Variants in ADAM32 observed in about 807,000 individuals in gnomAD.
The protein encoded by ADAM32 is ADAM metallopeptidase domain 32.
Under a neutral mutation model 114.9 loss-of-function variants are expected in ADAM32, and 89 were observed. That is an observed-to-expected ratio of 0.77 (90% CI 0.65 to 0.92). The LOEUF is 0.92. Ranked by LOEUF, ADAM32 falls within the 40% of genes least tolerant of loss-of-function variation. ADAM32 has a pLI of 0.00. For missense variants in ADAM32, 870 were observed against 932.8 expected (o/e 0.93, Z 0.88); for synonymous variants, 285 against 307.5 (o/e 0.93, Z 0.77).
rs1292799916 is a variant in ADAM32 at position 39,110,251 on chromosome 8, A to G, written c.58+2418A>G. Among the ~76,000 whole-genome samples the G allele has an allele frequency of 7.2e-5, 11 of 152,172 alleles. No homozygotes were observed. The East Asian group carries it at 1.9e-3, about 27-fold the overall frequency. ...GCCCAGCTAATTTTTTTGTATTTTT[A>G]GTAGAGATGGGGTTTCACTGTGTTG... is the stretch of plus-strand genomic sequence containing the variant. On this transcript the variant is annotated intron_variant, in intron 1 of 24. Transcript: ENST00000379907.
intron 14 of ADAM32, among the ~76,000 whole-genome samples, chr8:39,225,023 C>T (rs947610183): frequency 3.9e-5 from 6 of 152,142 alleles, no homozygotes; most frequent in Non-Finnish European, 5.9e-5. Flanking sequence ...AGGACAGAGG[C>T]GTCTTTTATC....
At position 39,233,925 on chromosome 8, in the gene ADAM32, G is replaced by C; in HGVS notation, c.1661G>C (p.Cys554Ser). Residue 554 changes from cysteine (C) to serine (S), a missense_variant, in exon 16 of 25, where the codon TGT becomes TCT. Transcript: ENST00000379907. ...AATCTTATATGTGGAAGATTAGTTTGTACCTACCCTACTCGAAAGCCTTTC... is the reference window on the plus strand; with the variant it reads ...AATCTTATATGTGGAAGATTAGTTTCTACCTACCCTACTCGAAAGCCTTTC... Reference protein sequence around the residue: ...WRNLICGRLVCTYPTRKPFHQ... With the variant: ...WRNLICGRLVSTYPTRKPFHQ... The C allele has an allele frequency of 6.3e-7, 1 of 1,580,220 alleles. No individual in the cohort carries two copies. The highest frequency in any genetic ancestry group is 8.6e-7 in the Non-Finnish European group (1 of 1,162,582).
intron 19 of ADAM32, among the ~76,000 whole-genome samples, chr8:39,260,601 C>T (rs971505094): frequency 6.6e-6 from 1 of 151,980 alleles, no homozygotes; most frequent in Non-Finnish European, 1.5e-5. Context: ...AATATAAATC[C>T]CACTTGATCA....
At chr8:39,169,704 T>C (rs1364939025) in intron 9 of ADAM32, 3 of 396,734 alleles carry the variant, frequency 7.6e-6, no homozygotes, top group Non-Finnish European at 1.3e-5. Flanking sequence ...TTAGATATGT[T>C]TCAGATATCA....
chr8:39,116,044 T>G (rs1405224307), intron 1 of ADAM32, among the ~76,000 whole-genome samples: 2 of 152,226 alleles, frequency 1.3e-5, no homozygotes, highest in Non-Finnish European at 2.9e-5. Flanking sequence ...CAGATGGTTA[T>G]AGGTGTGTGG....
At chr8:39,212,924 A>C (rs1808323005) in intron 12 of ADAM32, among the ~76,000 whole-genome samples, 1 of 152,146 alleles carries the variant, frequency 6.6e-6, no homozygotes, top group Non-Finnish European at 1.5e-5. Context: ...TCCACTTCTT[A>C]AATTTTAGCT....
chr8:39,145,337 A>G (rs1312886468), intron 3 of ADAM32, among the ~76,000 whole-genome samples: 1 of 152,200 alleles, frequency 6.6e-6, no homozygotes, highest in Non-Finnish European at 1.5e-5. Flanking sequence ...TAGCCAAGGC[A>G]CTACTGAACA....
At chr8:39,185,180 A>C (rs1296928131) in intron 10 of ADAM32, among the ~76,000 whole-genome samples, 2 of 151,648 alleles carry the variant, frequency 1.3e-5, no homozygotes, top group African/African-American at 4.8e-5. Context: ...CAGGAGAATC[A>C]CTTGAACCCA....
At chr8:39,137,655 C>T (rs1802884132) in intron 3 of ADAM32, among the ~76,000 whole-genome samples, 4 of 151,688 alleles carry the variant, frequency 2.6e-5, no homozygotes, top group Admixed American at 2.6e-4. Flanking sequence ...CCTGTAATCC[C>T]AGCTACTCGG....
At chr8:39,185,649 T>C (rs186547531) in intron 10 of ADAM32, among the ~76,000 whole-genome samples, 107 of 152,346 alleles carry the variant, frequency 7.0e-4, no homozygotes, top group Non-Finnish European at 1.4e-3. Context: ...CTGCTTTTAC[T>C]TGGCACATTA....
At chr8:39,223,342 T>A in intron 14 of ADAM32, 104 bp downstream of exon 14, 1 of 660,716 alleles carries the variant, frequency 1.5e-6, no homozygotes. Flanking sequence ...ATGTTTTATA[T>A]AGTATAAAAT....
Position 39,223,222 on chromosome 8 carries a change from G to A in ADAM32, c.1509G>A (p.Glu503=). The change falls in exon 14 of 25, where the codon GAG becomes GAA. Residue 503 remains glutamate (E), a synonymous_variant. Transcript: ENST00000379907. Reference sequence around the variant, plus strand: ...GCCATGATCTCGATGCACGTTGTGAGAGTGTATTTGGAAAAGGTAATATCT... The same window carrying A: ...GCCATGATCTCGATGCACGTTGTGAAAGTGTATTTGGAAAAGGTAATATCT... ...GDCHDLDARC[E]SVFGKGSRNA... is the part of the protein sequence containing the mutation. 1 of 1,583,206 alleles carries A rather than the reference G, an allele frequency of 6.3e-7. No homozygotes were observed. Among genetic ancestry groups the A allele is most frequent in the African/African-American group, 1.4e-5 (1 of 73,874 alleles).
chr8:39,140,100 T>C (rs1028525387), intron 3 of ADAM32, among the ~76,000 whole-genome samples: 3 of 152,214 alleles, frequency 2.0e-5, no homozygotes, highest in African/African-American at 7.2e-5. Context: ...TTTCTAAATA[T>C]ATAATCACGT....
chr8:39,201,025 A>C (rs1807362658), intron 11 of ADAM32, among the ~76,000 whole-genome samples: 1 of 152,114 alleles, frequency 6.6e-6, no homozygotes, highest in African/African-American at 2.4e-5. Flanking sequence ...TGGTTACTGT[A>C]GCCTTGTAAT....
intron 11 of ADAM32, among the ~76,000 whole-genome samples, chr8:39,200,031 T>C: frequency 6.6e-6 from 1 of 152,206 alleles, no homozygotes; most frequent in Non-Finnish European, 1.5e-5. Context: ...CTGATGGACA[T>C]TTGGGTTGGT....
chr8:39,245,342 T>C lies in ADAM32; in HGVS notation c.1819-741T>C, dbSNP rs182855426. ...GCAGTAAGGAATGAAAGGCTACATATTGGGTACAGTGTGCACTGCTAGGAT... is the reference window on the plus strand; with the variant it reads ...GCAGTAAGGAATGAAAGGCTACATACTGGGTACAGTGTGCACTGCTAGGAT... On this transcript the variant is annotated intron_variant, in intron 16 of 24. Coordinates refer to ENST00000379907, the MANE Select transcript of ADAM32 (RefSeq NM_145004.7). 2.2e-3 allele frequency among the ~76,000 whole-genome samples: 330 copies of C among 152,220 alleles called. 1 individual carries two copies. The highest frequency in any genetic ancestry group is 3.6e-3 in the Non-Finnish European group (248 of 68,010).
At chr8:39,133,737 G>T (rs981310082) in intron 2 of ADAM32, among the ~76,000 whole-genome samples, 1 of 152,234 alleles carries the variant, frequency 6.6e-6, no homozygotes, top group African/African-American at 2.4e-5. Flanking sequence ...GCATGCATGG[G>T]CACTGGTGCT....
chr8:39,118,685 A>G (rs190329324), intron 2 of ADAM32, among the ~76,000 whole-genome samples: 111 of 152,326 alleles, frequency 7.3e-4, no homozygotes, highest in African/African-American at 2.4e-3. Context: ...TAAAAAAAAG[A>G]AATATAATTA....
intron 17 of ADAM32, among the ~76,000 whole-genome samples, chr8:39,250,819 C>A (rs1004123561): frequency 1.3e-5 from 2 of 151,860 alleles, no homozygotes; most frequent in African/African-American, 4.8e-5. Flanking sequence ...AACCTCTCTT[C>A]ATCCTTTCCT....
Sources: allele counts gnomAD v4.1 joint callset (sites outside exome capture counted in the v4.1 genomes callset), GRCh38; gene constraint gnomAD v4.1.1; transcripts MANE v1.5; gene names NCBI Gene and HGNC (gene_info 2026-07-23, HGNC 2026-07-21).